GPR179: variants seen among roughly 807,000 people sequenced by gnomAD.
The protein encoded by GPR179 is G protein-coupled receptor 179, also known as probable G protein-coupled receptor 179.
GPR179 carries 52 observed loss-of-function variants against 70.8 expected under a neutral mutation model. The ratio of observed to expected loss-of-function variants is 0.73; its 90% CI spans 0.59 to 0.93. GPR179 has a LOEUF of 0.93. Among genes scored for constraint, GPR179 ranks in the 40% least tolerant of loss-of-function variants. The probability of loss-of-function intolerance (pLI) is 0.00; values close to 1 mark genes in which losing one functional copy is unlikely to be tolerated. For missense variants in GPR179, 2,734 were observed against 2,966.8 expected, an observed-to-expected ratio of 0.92 and a Z score of 1.82; for synonymous variants, 1,123 against 1,169.0, an observed-to-expected ratio of 0.96 and a Z score of 0.80.
chr17:38,328,603 G>C lies in GPR179; in HGVS notation c.4966C>G (p.Pro1656Ala). The change falls in exon 11 of 11, where the codon CCT becomes GCT. Residue 1656 changes from proline (P) to alanine (A), a missense_variant. Physicochemically the swap from Pro to Ala is conservative, Grantham distance 27 (BLOSUM62 -1). Coordinates refer to ENST00000616987, the MANE Select transcript of GPR179 (RefSeq NM_001004334.4). ...CGTGGTTGTGGGGAGAAGCTGCCAG[G>C]GTCCACACTCTCCCAGGGGCCGACC... is the stretch of plus-strand genomic sequence containing the variant. Reference protein sequence around the residue: ...EAVGPWESVDPGSFSPQPRPQ... With the variant: ...EAVGPWESVDAGSFSPQPRPQ... 1 of 1,614,060 alleles carries C rather than the reference G, an allele frequency of 6.2e-7. No individual in the cohort carries two copies. Among genetic ancestry groups the C allele is most frequent in the Non-Finnish European group, 8.5e-7 (1 of 1,180,012 alleles).
chr17:38,330,316 G>A lies in GPR179; in HGVS notation c.3253C>T (p.Arg1085Cys), dbSNP rs369300497. 228 of 1,613,518 alleles carry A rather than the reference G, an allele frequency of 1.4e-4. No individual in the cohort carries two copies. The highest frequency in any genetic ancestry group is 1.8e-4 in the Non-Finnish European group (212 of 1,179,656). Residue 1085 changes from arginine (R) to cysteine (C), a missense_variant, in exon 11 of 11, where the codon CGC (arginine) becomes TGC (cysteine). Coordinates refer to ENST00000616987, the MANE Select transcript of GPR179 (RefSeq NM_001004334.4). ...GCTTTAATCGCCAGCCCCAGGCTGC[G>A]CATGGAACCCTGCTGAACAGGGGCC... ...LKAPVQQGSM[R>C]SLGLAIKALT...
In GPR179 at chr17:38,329,952, A is replaced by G. The variant is rs2037335923; in HGVS notation, c.3617T>C (p.Val1206Ala). Reference protein sequence around the residue: ...GKTGLAMLRQVSRDKNIKQSK... With the variant: ...GKTGLAMLRQASRDKNIKQSK... ...TTGCTTGATGTTTTTGTCCCTGGAA[A>G]CTTGCCTCAGCATGGCAAGCCCTGT... Residue 1206 changes from valine (V) to alanine (A), a missense_variant, in exon 11 of 11, where the codon GTT (valine) becomes GCT (alanine). Transcript: ENST00000616987. 1 of 1,614,006 alleles carries G rather than the reference A, an allele frequency of 6.2e-7. No homozygotes were observed. Among genetic ancestry groups the G allele is most frequent in the South Asian group, 1.1e-5 (1 of 91,088 alleles).
rs767355554 is a variant in GPR179, at chr17:38,328,659, T to C, written c.4910A>G (p.Lys1637Arg). 4 of 1,614,168 alleles carry C rather than the reference T, an allele frequency of 2.5e-6. No individual in the cohort carries two copies. In the Admixed American group the frequency reaches 6.7e-5, roughly 27 times the overall value. The change falls in exon 11 of 11, where the codon AAG becomes AGG. Residue 1637 changes from lysine to arginine, a missense_variant. Physicochemically the swap from Lys to Arg is conservative, Grantham distance 26 (BLOSUM62 2). Transcript: ENST00000616987. The part of the protein sequence containing the change: ...SEIEDVTAWE[K>R]PEGQIQKQEA... ...TTGCTTTTGGATCTGCCCCTCAGGC[T>C]TTTCCCAAGCTGTGACATCTTCGAT... is the stretch of plus-strand genomic sequence containing the variant.
Position 38,328,830 on chromosome 17 carries a change from G to A in GPR179, c.4739C>T (p.Pro1580Leu), listed in dbSNP as rs778263955. 9.9e-5 allele frequency: 160 copies of A among 1,611,322 alleles called. No individual in the cohort carries two copies. Among genetic ancestry groups the A allele is most frequent in the South Asian group, 1.8e-4 (16 of 90,982 alleles). Residue 1580 changes from proline (P) to leucine (L), a missense_variant, in exon 11 of 11, where the codon CCG (proline) becomes CTG (leucine). By Grantham distance (98) the Pro-to-Leu change is moderately conservative (BLOSUM62 -3). Transcript: ENST00000616987. ...TQVCPQEDLRPEAQEATPAKT... is the reference protein window; with the variant it reads ...TQVCPQEDLRLEAQEATPAKT... ...GGCAGGTGTTGCTTCCTGTGCCTCCGGCCTGAGATCTTCCTGTGGACACAC... is the reference window on the plus strand; with the variant it reads ...GGCAGGTGTTGCTTCCTGTGCCTCCAGCCTGAGATCTTCCTGTGGACACAC...
At chr17:38,335,723 T>C in intron 5 of GPR179, 23 bp from the exon 6 acceptor site, 2 of 1,490,890 alleles carry the variant, frequency 1.3e-6, no homozygotes, top group African/African-American at 2.8e-5. Context: ...GGCAAAAATC[T>C]CTGCTCTCTA....
Position 38,330,198 on chromosome 17 carries a change from C to T in GPR179, c.3371G>A (p.Gly1124Glu), listed in dbSNP as rs368156325. The T allele has an allele frequency of 1.7e-5, 26 of 1,569,852 alleles. No individual in the cohort carries two copies. The highest frequency in any genetic ancestry group is 2.0e-5 in the Non-Finnish European group (23 of 1,157,514). ...QNSGTAGESM[G>E]APSRSPRLGR... ...TAGCCTGGGCGATCGGGAGGGTGCC[C>T]CCATACTCTCTCCCGCAGTCCCGCT... Residue 1124 changes from glycine (G) to glutamate (E), a missense_variant, in exon 11 of 11, where the codon GGG (glycine) becomes GAG (glutamate). Gly to Glu is a moderately conservative substitution (Grantham distance 98). Transcript: ENST00000616987.
chr17:38,330,842 G>C lies in GPR179; in HGVS notation c.2727C>G (p.Ser909Arg), dbSNP rs2037349787. Residue 909 changes from serine to arginine, a missense_variant, in exon 11 of 11, where the codon AGC (serine) becomes AGG (arginine). Physicochemically the swap from Ser to Arg is moderately radical, Grantham distance 110. Transcript: ENST00000616987. Reference protein sequence around the residue: ...LSAPPSPAKSSSVDSSHTSGR... With the variant: ...LSAPPSPAKSRSVDSSHTSGR... ...CAGAGGTGTGAGAGCTGTCCACGCT[G>C]CTGCTCTTGGCAGGGGAAGGTGGAG... 1 of 1,603,176 alleles carries C rather than the reference G, an allele frequency of 6.2e-7. No individual in the cohort carries two copies. Among genetic ancestry groups the C allele is most frequent in the Non-Finnish European group, 8.5e-7 (1 of 1,175,130 alleles).
Position 38,328,756 on chromosome 17 carries a change from A to C in GPR179, c.4813T>G (p.Trp1605Gly), listed in dbSNP as rs1376284769. Residue 1605 changes from tryptophan to glycine, a missense_variant, in exon 11 of 11, where the codon TGG becomes GGG. Coordinates refer to ENST00000616987, the MANE Select transcript of GPR179 (RefSeq NM_001004334.4). ...CCTCTTGGCACCTGTGCTGATGTCCATTCCTCTCTTGTTCTTTCATTTACC... is the reference window on the plus strand; with the variant it reads ...CCTCTTGGCACCTGTGCTGATGTCCCTTCCTCTCTTGTTCTTTCATTTACC... ...WEVNERTREE[W>G]TSAQVPRGGE... 6.2e-7 allele frequency: 1 copy of C among 1,609,826 alleles called. No homozygotes were observed.
At chr17:38,339,166 G>A (rs2037428975) in intron 2 of GPR179, among the ~76,000 whole-genome samples, 1 of 152,056 alleles carries the variant, frequency 6.6e-6, no homozygotes, top group Non-Finnish European at 1.5e-5. Flanking sequence ...AGAGCAGACA[G>A]GAAGAACACT....
At position 38,332,119 on chromosome 17, in the gene GPR179, T is replaced by A. The variant is rs367997878; in HGVS notation, c.2038-588A>T. 2.6e-5 allele frequency among the ~76,000 whole-genome samples: 4 copies of A among 152,004 alleles called. No homozygotes were observed. In the East Asian group the frequency reaches 7.7e-4, roughly 29 times the overall value. On this transcript the variant is annotated intron_variant, in intron 10 of 10. Transcript: ENST00000616987. ...CATACTCCCTGGCCCTTCAGCTGGA[T>A]TGGGGTCTCAGGAGGCAGGGCAGGC...
intron 2 of GPR179, among the ~76,000 whole-genome samples, chr17:38,338,433 T>C (rs1028437055): frequency 6.6e-6 from 1 of 152,186 alleles, no homozygotes; most frequent in Non-Finnish European, 1.5e-5. Context: ...GAAGATTCTA[T>C]ATCGAGCCCC....
intron 10 of GPR179, among the ~76,000 whole-genome samples, 154 bp downstream of exon 10, chr17:38,333,097 G>A (rs1301535878): frequency 6.6e-6 from 1 of 152,250 alleles, no homozygotes; most frequent in Non-Finnish European, 1.5e-5. Context: ...ATAGAGTCAG[G>A]GGAATCAGTT....
rs2037329472 is a variant in GPR179, at chr17:38,329,558, AG to A, written c.4010del (p.Pro1337LeufsTer63). ...DRGGLSPGSA[P>X]QDPGRIRDKS... ...TGTCTCTGATTCTGCCAGGGTCCTGAGGAGCTGACCCAGGGGACAGACCTCC... is the reference window on the plus strand; with the variant it reads ...TGTCTCTGATTCTGCCAGGGTCCTGAGAGCTGACCCAGGGGACAGACCTCC... On this transcript the variant is annotated frameshift_variant, in exon 11 of 11. Transcript: ENST00000616987. LOFTEE classifies it low-confidence loss of function (END_TRUNC). 1 of 1,613,760 alleles carries A rather than the reference AG, an allele frequency of 6.2e-7. No homozygotes were observed. Among genetic ancestry groups the A allele is most frequent in the African/African-American group, 1.3e-5 (1 of 74,838 alleles).
Position 38,331,364 on chromosome 17 carries a change from G to A in GPR179, c.2205C>T (p.Ser735=). The A allele has an allele frequency of 6.2e-7, 1 of 1,613,366 alleles. No homozygotes were observed. The highest frequency in any genetic ancestry group is 8.5e-7 in the Non-Finnish European group (1 of 1,179,768). Residue 735 remains serine, a synonymous_variant, in exon 11 of 11, where the codon TCC becomes TCT. Coordinates refer to ENST00000616987, the MANE Select transcript of GPR179 (RefSeq NM_001004334.4). ...EFPEALARQH[S]RDSGSPGHGS... is the part of the protein sequence containing the mutation. ...CGTGGCCTGGGGATCCTGAGTCCCG[G>A]GAGTGCTGCCTGGCCAGGGCCTCGG...
Position 38,333,431 on chromosome 17 carries a change from C to T in GPR179, c.1891-34G>A, listed in dbSNP as rs369173374. 3.6e-5 allele frequency: 57 copies of T among 1,599,500 alleles called. 1 individual carries two copies. The African/African-American group carries it at 4.2e-4, about 12-fold the overall frequency. On this transcript the variant is annotated intron_variant, in intron 9 of 10. Coordinates refer to ENST00000616987, the MANE Select transcript of GPR179 (RefSeq NM_001004334.4). Reference sequence around the variant, plus strand: ...GGTGCATAAGAGTGGGAAAAAGACTCGCCCTGGCTCCTTGTCCACTCCTGC... The same window carrying T: ...GGTGCATAAGAGTGGGAAAAAGACTTGCCCTGGCTCCTTGTCCACTCCTGC...
Position 38,327,470 on chromosome 17 carries a change from T to A in GPR179, c.6099A>T (p.Ser2033=). Residue 2033 remains serine, a synonymous_variant, in exon 11 of 11, where the codon TCA becomes TCT. Transcript: ENST00000616987. ...VTERIPVKGV[S]RQDGKGDSQE... is the part of the protein sequence containing the mutation. ...GAGAGTCCCCTTTTCCATCCTGCCT[T>A]GACACCCCTTTGACAGGGATTCTTT... The A allele has an allele frequency of 6.2e-7, 1 of 1,614,234 alleles. No homozygotes were observed. Among genetic ancestry groups the A allele is most frequent in the South Asian group, 1.1e-5 (1 of 91,090 alleles).
rs1413416383 is a variant in GPR179 at position 38,333,868 on chromosome 17, C to T, written c.1890+65G>A. On this transcript the variant is annotated intron_variant, in intron 9 of 10. Transcript: ENST00000616987. ...CCTGCAGAGGGCGCTGCGGGACAAC[C>T]GCTCCACAGTGGCCCTGACAGAGGG... is the stretch of plus-strand genomic sequence containing the variant. 58 of 1,279,894 alleles carry T rather than the reference C, an allele frequency of 4.5e-5. 1 individual carries two copies. The East Asian group carries it at 9.0e-4, about 20-fold the overall frequency. 79.3% of individuals were successfully genotyped at this position (1,279,894 alleles called of 1,614,324 possible).
Position 38,337,661 on chromosome 17 carries a change from A to AACT in GPR179, c.962_963insAGT (p.Pro321_Gly322insVal). On this transcript the variant is annotated inframe_insertion, in exon 3 of 11. Transcript: ENST00000616987. ...CAGAGGGGCTTGCCCCGTAGAATCC[A>AACT]GGTCGGCAGCGGCAGAGGTAGCGGC... 2 of 1,602,650 alleles carry AACT rather than the reference A, an allele frequency of 1.2e-6. No homozygotes were observed. The highest frequency in any genetic ancestry group is 1.1e-5 in the South Asian group (1 of 89,292).
Position 38,330,643 on chromosome 17 carries a change from G to A in GPR179, c.2926C>T (p.Leu976=), listed in dbSNP as rs1157507969. ...TGTGGGGATACTGGGACTGGTGCCAGGGCAGGGGCTGGGGTTGGAGCTAGA... is the reference window on the plus strand; with the variant it reads ...TGTGGGGATACTGGGACTGGTGCCAAGGCAGGGGCTGGGGTTGGAGCTAGA... ...PALAPTPAPA[L]APVPVSPQSP... Residue 976 remains leucine, a synonymous_variant, in exon 11 of 11, where the codon CTG becomes TTG. Coordinates refer to ENST00000616987, the MANE Select transcript of GPR179 (RefSeq NM_001004334.4). 2 of 1,594,492 alleles carry A rather than the reference G, an allele frequency of 1.3e-6. No homozygotes were observed. The highest frequency in any genetic ancestry group is 3.5e-5 in the Admixed American group (2 of 57,896).
Sources: allele counts gnomAD v4.1 joint callset (sites outside exome capture counted in the v4.1 genomes callset), GRCh38; gene constraint gnomAD v4.1.1; transcripts MANE v1.5; gene names NCBI Gene and HGNC (gene_info 2026-07-23, HGNC 2026-07-21).